Variants in RP2 observed in about 807,000 individuals in gnomAD.
RP2 encodes protein XRP2.
A neutral mutation model predicts 20.3 loss-of-function variants in RP2; 3 were observed. The ratio of observed to expected loss-of-function variants is 0.15; its 90% confidence interval spans 0.07 to 0.38. The LOEUF is 0.38. RP2 is among the 10% of genes least tolerant of loss of function. The pLI is 1.00. For synonymous variants in RP2, 75 were observed against 94.8 expected, an observed-to-expected ratio of 0.79 and a Z score of 1.22; for missense variants, 233 against 268.5, an observed-to-expected ratio of 0.87 and a Z score of 0.92.
intron 1 of RP2, among the ~76,000 whole-genome samples, chrX:46,847,787 C>CACGTGTGTGTGTATATACACACAT (rs1924770517): frequency 1.2e-4 from 10 of 82,651 alleles, no homozygotes; most frequent in African/African-American, 4.8e-4. Context: ...TACATACACA[C>CACGTGTGTGTGTATATACACACAT]ATGTGTGTGT....
chrX:46,853,241 C>T (rs1036182192), intron 1 of RP2, among the ~76,000 whole-genome samples: 7 of 111,178 alleles, frequency 6.3e-5, no homozygotes, highest in Non-Finnish European at 1.1e-4. Flanking sequence ...AATTTAATAG[C>T]AAAGAGAGGG....
Position 46,837,067 on chromosome X carries a change from G to A in RP2, c.-34G>A. The A allele has an allele frequency of 8.7e-7, 1 of 1,153,718 alleles. No individual in the cohort carries two copies. Among genetic ancestry groups the A allele is most frequent in the Non-Finnish European group, 1.2e-6 (1 of 859,763 alleles). ...CACACTCTAGGAAGTGCCTGAGCTAGTGAGCTGGCCAACGAGCTCCGCGGG... is the reference window on the plus strand; with the variant it reads ...CACACTCTAGGAAGTGCCTGAGCTAATGAGCTGGCCAACGAGCTCCGCGGG... On this transcript the variant is annotated 5_prime_UTR_variant, in exon 1 of 5. It adds an upstream start codon to the 5' untranslated region. Coordinates refer to ENST00000218340, the MANE Select transcript of RP2 (RefSeq NM_006915.3).
intron 2 of RP2, among the ~76,000 whole-genome samples, chrX:46,854,931 A>AT (rs1347640632): frequency 1.8e-5 from 2 of 109,628 alleles, no homozygotes; most frequent in East Asian, 2.9e-4. Context: ...CACCCAGCTA[A>AT]TTTTTTTTGT....
intron 1 of RP2, among the ~76,000 whole-genome samples, chrX:46,844,352 C>T (rs1196960383): frequency 3.0e-5 from 3 of 100,429 alleles, no homozygotes; most frequent in African/African-American, 7.4e-5. Context: ...CGACAGGCCC[C>T]GGTGTGTGAT....
Position 46,853,466 on chromosome X carries a change from G to T in RP2, c.103-10G>T. On this transcript the variant is annotated splice_polypyrimidine_tract_variant and intron_variant, in intron 1 of 4. Coordinates refer to ENST00000218340, the MANE Select transcript of RP2 (RefSeq NM_006915.3). ...TAATAATACTCAAGGTCTGTGTTTT[G>T]TTCCTGCAGGTTGATCCAAAAGACT... The T allele has an allele frequency of 1.7e-6, 2 of 1,205,786 alleles. No individual in the cohort carries two copies. Among genetic ancestry groups the T allele is most frequent in the South Asian group, 1.8e-5 (1 of 56,149 alleles).
chrX:46,847,735 T>TAC (rs782560144), intron 1 of RP2, among the ~76,000 whole-genome samples: 18 of 94,141 alleles, frequency 1.9e-4, no homozygotes, highest in East Asian at 1.4e-3. Flanking sequence ...TGTGTGTATA[T>TAC]ACACACATAT....
intron 1 of RP2, among the ~76,000 whole-genome samples, chrX:46,842,214 C>T (rs782731635): frequency 5.3e-5 from 6 of 112,270 alleles, no homozygotes; most frequent in African/African-American, 1.9e-4. Flanking sequence ...AGTGCCTAGC[C>T]GTCTAACTGT....
chrX:46,849,352 A>C (rs1227286504), intron 1 of RP2, among the ~76,000 whole-genome samples: 3 of 109,900 alleles, frequency 2.7e-5, no homozygotes, highest in Non-Finnish European at 5.7e-5. Context: ...CACCATGCCC[A>C]GCTAAGGGTT....
At chrX:46,855,056 G>A (rs1234434388) in intron 2 of RP2, among the ~76,000 whole-genome samples, 1 of 111,208 alleles carries the variant, frequency 9.0e-6, no homozygotes, top group Non-Finnish European at 1.9e-5. Context: ...ATGAGCCACT[G>A]CACCCAGCCA....
At chrX:46,847,706 A>G (rs1924744103) in intron 1 of RP2, among the ~76,000 whole-genome samples, 1 of 91,742 alleles carries the variant, frequency 1.1e-5, no homozygotes, top group Non-Finnish European at 2.2e-5. Context: ...GTGTGTGTAT[A>G]TATACACACA....
chrX:46,878,782 G>T (rs1437103593), intron 4 of RP2, among the ~76,000 whole-genome samples: 1 of 110,960 alleles, frequency 9.0e-6, no homozygotes, highest in African/African-American at 3.3e-5. Context: ...GCCCACAGAG[G>T]TTTATTAAAT....
At chrX:46,844,383 G>A (rs1329212941) in intron 1 of RP2, among the ~76,000 whole-genome samples, 1 of 96,820 alleles carries the variant, frequency 1.0e-5, no homozygotes, top group East Asian at 3.3e-4. Flanking sequence ...CTGTGTCCAA[G>A]TGTTCTCATT....
intron 3 of RP2, among the ~76,000 whole-genome samples, chrX:46,875,611 T>G (rs1925363409): frequency 9.0e-6 from 1 of 111,362 alleles, no homozygotes; most frequent in South Asian, 3.7e-4. Context: ...ATATATTAAT[T>G]TTAATAAATC....
At chrX:46,844,178 A>T (rs1924671575) in intron 1 of RP2, among the ~76,000 whole-genome samples, 1 of 111,994 alleles carries the variant, frequency 8.9e-6, no homozygotes, top group Non-Finnish European at 1.9e-5. Flanking sequence ...TTTTTTATTT[A>T]AAAAAATTTT....
At chrX:46,863,179 T>C (rs782350544) in intron 3 of RP2, among the ~76,000 whole-genome samples, 3 of 111,632 alleles carry the variant, frequency 2.7e-5, no homozygotes, top group Non-Finnish European at 5.6e-5. Context: ...GAAGATGAGA[T>C]AGAATTATCG....
chrX:46,847,660 A>G (rs1602345426), intron 1 of RP2, among the ~76,000 whole-genome samples: 2 of 101,726 alleles, frequency 2.0e-5, no homozygotes, highest in South Asian at 9.2e-4. Flanking sequence ...CTCTCTTTAC[A>G]TATATATATC....
intron 1 of RP2, among the ~76,000 whole-genome samples, chrX:46,848,420 T>C (rs1924796334): frequency 9.4e-6 from 1 of 106,051 alleles, no homozygotes; most frequent in African/African-American, 3.4e-5. Flanking sequence ...ATTTGGCTCT[T>C]GTCTTCCACG....
rs782353608 is a variant in RP2, at chrX:46,859,972, A to G, written c.769-16A>G. 8.1e-6 allele frequency: 9 copies of G among 1,117,440 alleles called. No homozygotes were observed. The South Asian group carries it at 1.5e-4, about 18-fold the overall frequency. The allele number at this position is 1,117,440 out of a possible 1,213,427, so 92.1% of individuals were successfully genotyped here. A position where few individuals can be genotyped will look rare whatever the true frequency, so the allele number is the denominator to read the frequency against. On this transcript the variant is annotated splice_polypyrimidine_tract_variant and intron_variant, in intron 2 of 4. Coordinates refer to ENST00000218340, the MANE Select transcript of RP2 (RefSeq NM_006915.3). ...GAAGTTCATTTTAAAATCTCAATGA[A>G]ATTTTATTTTCACAGATGGTTGGTA...
intron 1 of RP2, among the ~76,000 whole-genome samples, chrX:46,849,788 G>A (rs1306405196): frequency 8.9e-6 from 1 of 111,884 alleles, no homozygotes; most frequent in African/African-American, 3.3e-5. Context: ...ATTGGCAGCT[G>A]TTATGGACTG....
Sources: gnomAD v4.1 joint callset for allele counts (sites outside exome capture counted in the v4.1 genomes callset) on GRCh38, gnomAD v4.1.1 for gene constraint, MANE v1.5 for transcripts, NCBI Gene and HGNC (gene_info 2026-07-23, HGNC 2026-07-21) for gene names.